Variants in PCDHGA9 observed in about 807,000 individuals in gnomAD.
PCDHGA9 encodes protocadherin gamma subfamily A, 9.
In PCDHGA9, 37 loss-of-function variants were observed where a neutral mutation model predicts 62.5. The ratio of observed to expected loss-of-function variants is 0.59; its 90% confidence interval spans 0.46 to 0.78. The LOEUF (loss-of-function observed/expected upper bound fraction) is 0.78, where lower values mean the gene tolerates loss of function less well. Ranked by LOEUF, PCDHGA9 falls within the 30% of genes least tolerant of loss-of-function variation. The probability of loss-of-function intolerance (pLI) is 0.00; values close to 1 mark genes in which losing one functional copy is unlikely to be tolerated. For missense variants in PCDHGA9, 1,138 were observed against 1,166.2 expected (o/e 0.98, Z 0.35); for synonymous variants, 459 against 484.6 (o/e 0.95, Z 0.69).
intron 1 of PCDHGA9, among the ~76,000 whole-genome samples, chr5:141,492,968 C>T: frequency 6.6e-6 from 1 of 152,240 alleles, no homozygotes; most frequent in East Asian, 1.9e-4. Flanking sequence ...GACACTCTAA[C>T]AAGTCCTGTC....
At position 141,489,157 on chromosome 5, in the gene PCDHGA9, C is replaced by A. The variant is rs1222682069; in HGVS notation, c.2425-5650C>A. 1.0e-6 allele frequency: 1 copy of A among 984,444 alleles called. No homozygotes were observed. The highest frequency in any genetic ancestry group is 1.6e-5 in the African/African-American group (1 of 61,296). The allele number at this position is 984,444 out of a possible 1,614,324, so 61.0% of individuals were successfully genotyped here. On this transcript the variant is annotated intron_variant, in intron 1 of 3. Coordinates refer to ENST00000573521, the MANE Select transcript of PCDHGA9 (RefSeq NM_018921.3). This position sits in a 1 kb window ranked among gnomAD's most constrained non-coding sequence, Gnocchi z 4.5. ...AGAGGCTGGAAGGAGACATAAGAGA[C>A]TTCAGCTGCTGCATTCCAAGCCCTG...
Position 141,495,011 on chromosome 5 carries a change from G to A in PCDHGA9, c.2483+146G>A, listed in dbSNP as rs2099758277. On this transcript the variant is annotated intron_variant, in intron 2 of 3. Coordinates refer to ENST00000573521, the MANE Select transcript of PCDHGA9 (RefSeq NM_018921.3). ...CCAGGGAGGTCTTGGTGTGCGGGGG[G>A]CTGGCACACAGACCCCGGAAGGAAG... is the stretch of plus-strand genomic sequence containing the variant. 4.6e-6 allele frequency: 7 copies of A among 1,512,044 alleles called. No individual in the cohort carries two copies. In the East Asian group the frequency reaches 1.5e-4, roughly 32 times the overall value. 93.7% of individuals were successfully genotyped at this position (1,512,044 alleles called of 1,614,324 possible).
chr5:141,446,936 C>G (rs935365668), intron 1 of PCDHGA9, among the ~76,000 whole-genome samples: 3 of 152,176 alleles, frequency 2.0e-5, no homozygotes, highest in African/African-American at 7.2e-5. Context: ...CTCTTTTTCA[C>G]TGTAAGAAAC....
chr5:141,490,933 C>T lies in PCDHGA9; in HGVS notation c.2425-3874C>T, dbSNP rs781291690. ...CGAGAATGATAATGCCCCAGCTGTG[C>T]TGCACCCACGGCCAGACTGGGAACA... On this transcript the variant is annotated intron_variant, in intron 1 of 3. Transcript: ENST00000573521. The surrounding 1 kb of genome is among the most constrained non-coding windows in gnomAD (Gnocchi z 5.4). 5.0e-6 allele frequency: 8 copies of T among 1,613,702 alleles called. No individual in the cohort carries two copies. The highest frequency in any genetic ancestry group is 5.9e-6 in the Non-Finnish European group (7 of 1,179,770).
chr5:141,415,740 GTTTTTTTTTTT>G lies in PCDHGA9; in HGVS notation c.2424+10386_2424+10396del, dbSNP rs57426385. On this transcript the variant is annotated intron_variant, in intron 1 of 3. Transcript: ENST00000573521. ...TGAGTAGAATTTGATGTTTATTAAGGTTTTTTTTTTTTTTTTTTTTTTTTTTTTTTTTACTT... is the reference window on the plus strand; with the variant it reads ...TGAGTAGAATTTGATGTTTATTAAGGTTTTTTTTTTTTTTTTTTTTTACTT... 695 of 624,702 alleles carry G rather than the reference GTTTTTTTTTTT, an allele frequency of 1.1e-3. 1 individual carries two copies. Among genetic ancestry groups the G allele is most frequent in the East Asian group, 1.8e-3 (27 of 14,732 alleles). 38.7% of individuals were successfully genotyped at this position (624,702 alleles called of 1,614,324 possible).
At chr5:141,499,399 C>A (rs2099791676) in intron 2 of PCDHGA9, among the ~76,000 whole-genome samples, 1 of 152,072 alleles carries the variant, frequency 6.6e-6, no homozygotes, top group Non-Finnish European at 1.5e-5. Flanking sequence ...ATAGTACATG[C>A]TCATTATAGA....
Position 141,477,167 on chromosome 5 carries a change from G to C in PCDHGA9, c.2425-17640G>C. The C allele has an allele frequency of 6.2e-7, 1 of 1,614,166 alleles. No individual in the cohort carries two copies. Among genetic ancestry groups the C allele is most frequent in the South Asian group, 1.1e-5 (1 of 91,076 alleles). ...TGTGGATGTGAATGACAACGCCCCG[G>C]AGATCACAGTCACCTCCGTGTACAG... On this transcript the variant is annotated intron_variant, in intron 1 of 3. Coordinates refer to ENST00000573521, the MANE Select transcript of PCDHGA9 (RefSeq NM_018921.3). The surrounding 1 kb of genome is among the most constrained non-coding windows in gnomAD (Gnocchi z 4.9).
At position 141,433,356 on chromosome 5, in the gene PCDHGA9, T is replaced by A. The variant is rs549297958; in HGVS notation, c.2424+27980T>A. On this transcript the variant is annotated intron_variant, in intron 1 of 3. Transcript: ENST00000573521. ...CTACAGGTGCAAGCCACCTACTGTC[T>A]GCCTATCTATCTATCTATCTATCTA... The A allele has an allele frequency of 8.4e-5, 51 of 607,892 alleles. No homozygotes were observed. The African/African-American group carries it at 9.5e-4, about 11-fold the overall frequency. 37.7% of individuals were successfully genotyped at this position (607,892 alleles called of 1,614,324 possible).
At chr5:141,460,985 ATATATATATATGTG>A (rs2099005673) in intron 1 of PCDHGA9, among the ~76,000 whole-genome samples, 1 of 91,766 alleles carries the variant, frequency 1.1e-5, no homozygotes, top group Non-Finnish European at 2.2e-5. Flanking sequence ...GTGTGTGTGT[ATATATATATATGTG>A]TATATATATA....
chr5:141,426,643 T>C (rs1280631056), intron 1 of PCDHGA9: 1 of 411,758 alleles, frequency 2.4e-6, no homozygotes, highest in Non-Finnish European at 5.0e-6. Flanking sequence ...CACATAAATG[T>C]GATGATAGAA....
chr5:141,414,624 G>A (rs764233527), intron 1 of PCDHGA9: 5 of 1,613,814 alleles, frequency 3.1e-6, no homozygotes, highest in African/African-American at 2.7e-5. Flanking sequence ...CGCTGGACCC[G>A]GACAGCAAAG....
intron 1 of PCDHGA9, among the ~76,000 whole-genome samples, chr5:141,435,760 T>TTGGTGAATTC (rs2097778609): frequency 1.3e-5 from 2 of 152,172 alleles, no homozygotes; most frequent in African/African-American, 4.8e-5. Context: ...TTGATTTCTT[T>TTGGTGAATTC]TGGTGAATTC....
chr5:141,463,590 A>G (rs975534405), intron 1 of PCDHGA9, among the ~76,000 whole-genome samples: 3 of 151,848 alleles, frequency 2.0e-5, no homozygotes, highest in African/African-American at 7.3e-5. Flanking sequence ...CTGGGACTAC[A>G]GGTGCCTGCC....
intron 1 of PCDHGA9, among the ~76,000 whole-genome samples, chr5:141,479,837 G>A (rs563513895): frequency 3.9e-5 from 6 of 152,338 alleles, no homozygotes; most frequent in Non-Finnish European, 8.8e-5. Flanking sequence ...TGGTATCCAT[G>A]CAAGGTGACT....
chr5:141,416,011 GGTAA>G (rs1031382322), intron 1 of PCDHGA9: 25 of 239,912 alleles, frequency 1.0e-4, no homozygotes, highest in Non-Finnish European at 3.9e-5. Flanking sequence ...GGTAAGAATA[GGTAA>G]GTATCAGAAA....
intron 1 of PCDHGA9, chr5:141,441,971 G>A: frequency 3.3e-6 from 1 of 298,820 alleles, no homozygotes; most frequent in Non-Finnish European, 6.5e-6. Flanking sequence ...AGGCTCTTCA[G>A]CCTGGAATGC....
At position 141,490,370 on chromosome 5, in the gene PCDHGA9, G is replaced by C. The variant is rs768474199; in HGVS notation, c.2425-4437G>C. ...GTGGGGTTGTTTAATGTGCGAGACC[G>C]GGACTCAGGTAGAAATGGTGAAGTG... On this transcript the variant is annotated intron_variant, in intron 1 of 3. Coordinates refer to ENST00000573521, the MANE Select transcript of PCDHGA9 (RefSeq NM_018921.3). The surrounding 1 kb of genome is among the most constrained non-coding windows in gnomAD (Gnocchi z 5.4). 1 of 1,614,172 alleles carries C rather than the reference G, an allele frequency of 6.2e-7. No individual in the cohort carries two copies. Among genetic ancestry groups the C allele is most frequent in the Admixed American group, 1.7e-5 (1 of 60,026 alleles).
intron 1 of PCDHGA9, among the ~76,000 whole-genome samples, chr5:141,452,137 G>A (rs2154563838): frequency 6.6e-6 from 1 of 152,162 alleles, no homozygotes; most frequent in East Asian, 1.9e-4. Flanking sequence ...TGGCTCATGT[G>A]TTTTTTCCAA....
At chr5:141,417,781 G>C in intron 1 of PCDHGA9, 1 of 1,473,574 alleles carries the variant, frequency 6.8e-7, no homozygotes. Flanking sequence ...CCTGTCCTGG[G>C]CCGAATGCTC....
Sources: allele counts gnomAD v4.1 joint callset (sites outside exome capture counted in the v4.1 genomes callset), GRCh38; gene constraint gnomAD v4.1.1; non-coding constraint Gnocchi (gnomAD v3.1); transcripts MANE v1.5; gene names NCBI Gene and HGNC (gene_info 2026-07-23, HGNC 2026-07-21).